KYAT3: variants seen among roughly 807,000 people sequenced by gnomAD.
KYAT3 encodes kynurenine aminotransferase 3.
KYAT3 carries 50 observed loss-of-function variants against 59.0 expected under a neutral mutation model. The ratio of observed to expected loss-of-function variants is 0.85; its 90% CI spans 0.68 to 1.07. KYAT3 has a LOEUF of 1.07. KYAT3 is among the 50% of genes least tolerant of loss of function. The pLI, the probability that KYAT3 is intolerant of heterozygous loss-of-function variation, is 0.00. For missense variants in KYAT3, 497 were observed against 533.3 expected (o/e 0.93, Z 0.67); for synonymous variants, 148 against 177.0 (o/e 0.84, Z 1.30).
At chr1:88,958,191 C>G (rs1298921039) in intron 8 of KYAT3, among the ~76,000 whole-genome samples, 1 of 152,150 alleles carries the variant, frequency 6.6e-6, no homozygotes, top group Non-Finnish European at 1.5e-5. Context: ...GCAGGAATTC[C>G]CTTTGCTCAG....
the KYAT3 span, chr1:88,923,555 G>T: frequency 1.2e-5 from 2 of 160,556 alleles, no homozygotes; most frequent in Non-Finnish European, 2.7e-5. Flanking sequence ...TTCTGATGTG[G>T]ATCCAGACAC....
chr1:88,982,689 G>A (rs755418226), intron 2 of KYAT3: 2 of 1,613,046 alleles, frequency 1.2e-6, no homozygotes, highest in African/African-American at 1.3e-5. Flanking sequence ...CTATCAGATC[G>A]GCTTCCTCCA....
intron 2 of KYAT3, chr1:88,980,368 G>A (rs1677022434): frequency 6.6e-6 from 1 of 151,898 alleles, no homozygotes; most frequent in South Asian, 2.1e-4. Flanking sequence ...TCTCCCTCTG[G>A]ACCAAGCACC....
At chr1:88,972,249 C>T (rs375558847) in intron 2 of KYAT3, among the ~76,000 whole-genome samples, 3 of 152,060 alleles carry the variant, frequency 2.0e-5, no homozygotes, top group African/African-American at 7.2e-5. Flanking sequence ...TGAGGCCCAC[C>T]CATATTATGG....
intron 1 of KYAT3, among the ~76,000 whole-genome samples, chr1:88,990,280 AAAAC>A (rs1677707400): frequency 1.3e-5 from 2 of 148,956 alleles, no homozygotes; most frequent in African/African-American, 4.8e-5. Flanking sequence ...AAAAACATAA[AAAAC>A]AAACAAAAAA....
chr1:88,978,607 C>G (rs1441292774), intron 2 of KYAT3, among the ~76,000 whole-genome samples: 2 of 152,152 alleles, frequency 1.3e-5, no homozygotes, highest in Admixed American at 1.3e-4. Context: ...AAGTCATCCT[C>G]CCACCCCAGC....
chr1:88,984,062 T>C, intron 2 of KYAT3: 4 of 596,758 alleles, frequency 6.7e-6, no homozygotes, highest in South Asian at 6.5e-5. Flanking sequence ...AACAACAGAA[T>C]GTTCCTGTAA....
chr1:88,975,603 T>A (rs558764284), intron 2 of KYAT3, among the ~76,000 whole-genome samples: 5 of 152,380 alleles, frequency 3.3e-5, no homozygotes, highest in Non-Finnish European at 7.3e-5. Context: ...AGTCATCTGG[T>A]TCTATCAAAC....
At chr1:88,963,847 G>A (rs1570803863) in intron 5 of KYAT3, among the ~76,000 whole-genome samples, 1 of 152,210 alleles carries the variant, frequency 6.6e-6, no homozygotes, top group African/African-American at 2.4e-5. Context: ...TGAGGTAGTT[G>A]CAAAAGTTGG....
the KYAT3 span, among the ~76,000 whole-genome samples, chr1:88,921,486 G>T: frequency 6.6e-6 from 1 of 152,110 alleles, no homozygotes; most frequent in Non-Finnish European, 1.5e-5. Flanking sequence ...TTCCATAAAA[G>T]ATCTTCAAAG....
chr1:88,929,385 A>G, the KYAT3 span, among the ~76,000 whole-genome samples: 1 of 152,204 alleles, frequency 6.6e-6, no homozygotes, highest in African/African-American at 2.4e-5. Context: ...AGTAGTTTAC[A>G]GTCCTGGACC....
chr1:88,982,652 T>C (rs1245825165), intron 2 of KYAT3: 1 of 1,588,688 alleles, frequency 6.3e-7, no homozygotes, highest in Non-Finnish European at 8.6e-7. Flanking sequence ...TTTTGTTTGT[T>C]TCTAGTATCT....
At position 88,982,883 on chromosome 1, in the gene KYAT3, C is replaced by A. The variant is rs760812660; in HGVS notation, c.99+5369G>T. ...ACTTCCACCATATCCATCACGTGAG[C>A]TGCTATAATCATCATAGCGACTGCT... On this transcript the variant is annotated intron_variant, in intron 2 of 13. Coordinates refer to ENST00000260508, the MANE Select transcript of KYAT3 (RefSeq NM_001008661.3). 1.1e-4 allele frequency: 184 copies of A among 1,613,842 alleles called. No homozygotes were observed. The highest frequency in any genetic ancestry group is 1.5e-4 in the Non-Finnish European group (181 of 1,179,882).
In KYAT3 at chr1:88,955,226, C is replaced by A. The variant is rs1357297525; in HGVS notation, c.788-1G>T. 2 of 1,599,446 alleles carry A rather than the reference C, an allele frequency of 1.3e-6. No homozygotes were observed. Among genetic ancestry groups the A allele is most frequent in the Non-Finnish European group, 1.7e-6 (2 of 1,167,592 alleles). ...CTCTCCCACATACCTGGAAAAGTAG[C>A]TAAACAGAGGAGGAAAAAAGGGTAA... On this transcript the variant is annotated splice_acceptor_variant, in intron 8 of 13. Coordinates refer to ENST00000260508, the MANE Select transcript of KYAT3 (RefSeq NM_001008661.3). LOFTEE classifies it high-confidence loss of function.
chr1:88,969,615 T>A, intron 2 of KYAT3, 148 bp from the exon 3 acceptor site: 1 of 582,776 alleles, frequency 1.7e-6, no homozygotes, highest in Non-Finnish European at 3.1e-6. Flanking sequence ...CACAAAATTC[T>A]GAAGAGGAAT....
intron 2 of KYAT3, chr1:88,983,515 A>AC: frequency 1.2e-6 from 2 of 1,609,598 alleles, no homozygotes; most frequent in Non-Finnish European, 1.7e-6. Flanking sequence ...CTCTTGGAGG[A>AC]CCTCTACTTC....
downstream of KYAT3, among the ~76,000 whole-genome samples, chr1:88,935,564 T>TCACCAGA (rs1675003708): frequency 6.6e-6 from 1 of 152,086 alleles, no homozygotes; most frequent in Non-Finnish European, 1.5e-5. Context: ...GAGGTGAGGA[T>TCACCAGA]GTCAAAGTAT....
At chr1:88,922,728 T>C in the KYAT3 span, among the ~76,000 whole-genome samples, 4 of 152,204 alleles carry the variant, frequency 2.6e-5, no homozygotes, top group Non-Finnish European at 5.9e-5. Flanking sequence ...ACTTAAGATG[T>C]TTGCTCACCT....
Position 88,983,172 on chromosome 1 carries a change from T to C in KYAT3, c.99+5080A>G. 2 of 1,612,658 alleles carry C rather than the reference T, an allele frequency of 1.2e-6. No individual in the cohort carries two copies. Among genetic ancestry groups the C allele is most frequent in the Non-Finnish European group, 1.7e-6 (2 of 1,180,008 alleles). ...CTTGGGTAATCTCTGCTTGAATAGCTGTCTTTAGTAGAATACCCATCATCT... is the reference window on the plus strand; with the variant it reads ...CTTGGGTAATCTCTGCTTGAATAGCCGTCTTTAGTAGAATACCCATCATCT... On this transcript the variant is annotated intron_variant, in intron 2 of 13. Transcript: ENST00000260508.
Sources: gnomAD v4.1 joint callset for allele counts (sites outside exome capture counted in the v4.1 genomes callset) on GRCh38, gnomAD v4.1.1 for gene constraint, MANE v1.5 for transcripts, NCBI Gene and HGNC (gene_info 2026-07-23, HGNC 2026-07-21) for gene names.